CDH13: variants seen among roughly 807,000 people sequenced by gnomAD.
CDH13 encodes the protein cadherin 13, also known as cadherin-13.
Under a neutral mutation model 63.8 loss-of-function variants are expected in CDH13, and 24 were observed. That is an observed-to-expected ratio of 0.38 (90% CI 0.27 to 0.53). The LOEUF is 0.53. Ranked by LOEUF, CDH13 falls within the 20% of genes least tolerant of loss-of-function variation. The pLI, the probability that CDH13 is intolerant of heterozygous loss-of-function variation, is 0.85. For synonymous variants in CDH13, 503 were observed against 355.3 expected (o/e 1.42, Z -4.67); for missense variants, 1,049 against 903.1 (o/e 1.16, Z -2.07).
chr16:82,821,450 TG>T (rs1041262865), intron 1 of CDH13, among the ~76,000 whole-genome samples: 1 of 152,188 alleles, frequency 6.6e-6, no homozygotes, highest in African/African-American at 2.4e-5. Flanking sequence ...GTGAGCTCTG[TG>T]GGGCCTTGCA....
chr16:82,988,377 C>T (rs1199857547), intron 2 of CDH13, among the ~76,000 whole-genome samples: 2 of 151,810 alleles, frequency 1.3e-5, no homozygotes, highest in African/African-American at 4.8e-5. Flanking sequence ...ATGGTGAACC[C>T]CTAGTGTGAA....
chr16:82,630,106 A>T (rs1261475534), intron 1 of CDH13, among the ~76,000 whole-genome samples: 1 of 152,142 alleles, frequency 6.6e-6, no homozygotes, highest in Non-Finnish European at 1.5e-5. Context: ...CAGGATTTTC[A>T]ATGAGAATCA....
intron 1 of CDH13, among the ~76,000 whole-genome samples, chr16:82,642,225 ATTG>A (rs1162942430): frequency 1.3e-5 from 2 of 152,056 alleles, no homozygotes; most frequent in Non-Finnish European, 2.9e-5. Flanking sequence ...CTGAATTACT[ATTG>A]TTGTTGACAC....
intron 1 of CDH13, among the ~76,000 whole-genome samples, chr16:82,657,601 C>T (rs1198450419): frequency 6.6e-6 from 1 of 152,120 alleles, no homozygotes; most frequent in Non-Finnish European, 1.5e-5. Flanking sequence ...GAAAGCAAAC[C>T]TTGGAGAAAG....
At chr16:83,368,227 A>C (rs2091291011) in intron 6 of CDH13, among the ~76,000 whole-genome samples, 2 of 152,208 alleles carry the variant, frequency 1.3e-5, no homozygotes, top group Non-Finnish European at 2.9e-5. Context: ...CTGGAGCCCA[A>C]CATTCATATT....
chr16:82,681,901 G>A (rs781002534), intron 1 of CDH13, among the ~76,000 whole-genome samples: 12 of 152,330 alleles, frequency 7.9e-5, no homozygotes, highest in East Asian at 1.9e-4. Context: ...GCCCCAGCCC[G>A]GTTGAGCTCC....
Position 83,716,413 on chromosome 16 carries a change from C to T in CDH13, c.1539-31695C>T, listed in dbSNP as rs184346852. ...TTCAGAACTCTAAATATCCCGTGTG[C>T]TCCACCCGTACATCCCTCCTTCCCG... is the stretch of plus-strand genomic sequence containing the variant. On this transcript the variant is annotated intron_variant, in intron 10 of 13. Coordinates refer to ENST00000567109, the MANE Select transcript of CDH13 (RefSeq NM_001257.5). 3.7e-3 allele frequency among the ~76,000 whole-genome samples: 561 copies of T among 152,304 alleles called. 1 individual carries two copies. The highest frequency in any genetic ancestry group is 0.013 in the Admixed American group (195 of 15,302).
intron 6 of CDH13, among the ~76,000 whole-genome samples, chr16:83,443,554 T>C (rs11644963): frequency 1 from 151,298 of 151,902 alleles, 75,351 homozygotes; most frequent in Middle Eastern, 1. Flanking sequence ...ATGTTGAGTA[T>C]AAAGCACTCT....
intron 6 of CDH13, among the ~76,000 whole-genome samples, chr16:83,431,866 G>A (rs1321925313): frequency 6.6e-6 from 1 of 152,120 alleles, no homozygotes; most frequent in African/African-American, 2.4e-5. Flanking sequence ...GTGAGATTTG[G>A]GTGGGGTCAC....
intron 13 of CDH13, among the ~76,000 whole-genome samples, chr16:83,786,636 G>A (rs57395867): frequency 0.22 from 33,901 of 151,190 alleles, 4,511 homozygotes; most frequent in East Asian, 0.63. Flanking sequence ...CGCCCAGGCT[G>A]AAGTACAGTG....
chr16:83,712,836 T>C (rs537333362), intron 10 of CDH13, among the ~76,000 whole-genome samples: 14 of 152,378 alleles, frequency 9.2e-5, no homozygotes, highest in South Asian at 2.1e-4. Context: ...TAGAGGAGTA[T>C]GTAAAACAGC....
intron 4 of CDH13, among the ~76,000 whole-genome samples, chr16:83,163,741 A>G (rs1046218819): frequency 6.6e-6 from 1 of 152,096 alleles, no homozygotes; most frequent in Non-Finnish European, 1.5e-5. Flanking sequence ...TTGAGCTGTC[A>G]TATAGCATAA....
At chr16:82,709,225 C>G (rs1161880672) in intron 1 of CDH13, among the ~76,000 whole-genome samples, 1 of 152,192 alleles carries the variant, frequency 6.6e-6, no homozygotes, top group Non-Finnish European at 1.5e-5. Flanking sequence ...TGGCCAGCTC[C>G]CACTTTACAT....
chr16:82,854,412 A>C (rs2039610351), intron 1 of CDH13, among the ~76,000 whole-genome samples: 1 of 151,652 alleles, frequency 6.6e-6, no homozygotes, highest in Non-Finnish European at 1.5e-5. Flanking sequence ...AAAAAAAAAA[A>C]AAAAACAGTA....
intron 11 of CDH13, among the ~76,000 whole-genome samples, chr16:83,756,837 TGTG>T (rs566579315): frequency 5.3e-5 from 8 of 152,194 alleles, no homozygotes; most frequent in Non-Finnish European, 1.2e-4. Context: ...CTACAATCAT[TGTG>T]GGAGTCTTAA....
Position 83,666,922 on chromosome 16 carries a change from T to C in CDH13, c.1102-3868T>C, listed in dbSNP as rs115672963. 2.3e-3 allele frequency among the ~76,000 whole-genome samples: 352 copies of C among 152,298 alleles called. 2 individuals carry two copies. Among genetic ancestry groups the C allele is most frequent in the African/African-American group, 8.0e-3 (334 of 41,572 alleles). ...GTTATACATTTCTTTCCCATCTGTC[T>C]CTCCTTTCAGCCTGTAATCTCTCTG... On this transcript the variant is annotated intron_variant, in intron 8 of 13. Coordinates refer to ENST00000567109, the MANE Select transcript of CDH13 (RefSeq NM_001257.5).
chr16:83,780,045 C>T lies in CDH13; in HGVS notation c.1759C>T (p.Pro587Ser), dbSNP rs779456677. ...DVNDNAPFIY[P>S]TVAEVCDDAK... ...GAATGACAATGCCCCGTTCATTTAC[C>T]CCACAGTAGCTGAAGTCTGTGATGA... The change falls in exon 12 of 14, where the codon CCC (proline) becomes TCC (serine). Residue 587 changes from proline (P) to serine (S), a missense_variant. Transcript: ENST00000567109. The T allele has an allele frequency of 6.2e-7, 1 of 1,613,928 alleles. No homozygotes were observed. The highest frequency in any genetic ancestry group is 8.5e-7 in the Non-Finnish European group (1 of 1,179,862).
In CDH13 at chr16:83,372,350, A is replaced by G. The variant is rs542485299; in HGVS notation, c.781+27344A>G. Among the ~76,000 whole-genome samples, 309 of 152,226 alleles carry G rather than the reference A, an allele frequency of 2.0e-3. 1 individual carries two copies. The highest frequency in any genetic ancestry group is 7.3e-3 in the African/African-American group (305 of 41,530). ...TGTATCTCAAATCATGACAGTTCTA[A>G]CTTCATGTGTCATGGTACTTGGCAT... is the stretch of plus-strand genomic sequence containing the variant. On this transcript the variant is annotated intron_variant, in intron 6 of 13. Coordinates refer to ENST00000567109, the MANE Select transcript of CDH13 (RefSeq NM_001257.5).
intron 6 of CDH13, among the ~76,000 whole-genome samples, chr16:83,355,278 T>C (rs2091030614): frequency 6.6e-6 from 1 of 152,214 alleles, no homozygotes; most frequent in African/African-American, 2.4e-5. Context: ...TATTGAGTCA[T>C]TTTATGATGC....
Sources: gnomAD v4.1 joint callset for allele counts (sites outside exome capture counted in the v4.1 genomes callset) on GRCh38, gnomAD v4.1.1 for gene constraint, MANE v1.5 for transcripts, NCBI Gene and HGNC (gene_info 2026-07-23, HGNC 2026-07-21) for gene names.